Variants in VWC2 observed in about 807,000 individuals in gnomAD.
The protein encoded by VWC2 is von Willebrand factor C domain containing 2, also known as brorin.
VWC2 carries 14 observed loss-of-function variants against 29.8 expected under a neutral mutation model. The ratio of observed to expected loss-of-function variants is 0.47; its 90% CI spans 0.31 to 0.74. The LOEUF (loss-of-function observed/expected upper bound fraction) is 0.74, where lower values mean the gene tolerates loss of function less well. Among genes scored for constraint, VWC2 ranks in the 30% least tolerant of loss-of-function variants. The probability of loss-of-function intolerance (pLI) is 0.05; values close to 1 mark genes in which losing one functional copy is unlikely to be tolerated. For missense variants in VWC2, 457 were observed against 459.8 expected, an observed-to-expected ratio of 0.99 and a Z score of 0.05; for synonymous variants, 213 against 199.0, an observed-to-expected ratio of 1.07 and a Z score of -0.59.
At chr7:49,815,569 T>G (rs1360283946) in intron 3 of VWC2, among the ~76,000 whole-genome samples, 1 of 152,352 alleles carries the variant, frequency 6.6e-6, no homozygotes, top group African/African-American at 2.4e-5. Context: ...AGATGGTAAT[T>G]TTTCCACAAT....
intron 2 of VWC2, among the ~76,000 whole-genome samples, chr7:49,779,577 A>T (rs1396359595): frequency 7.4e-6 from 1 of 135,310 alleles, no homozygotes; most frequent in Non-Finnish European, 1.6e-5. Flanking sequence ...AAACTTGTCT[A>T]TTGGCTTATT....
In VWC2 at chr7:49,843,744, C is replaced by A. The variant is rs183474917; in HGVS notation, c.826+40904C>A. Among the ~76,000 whole-genome samples, 5 of 152,252 alleles carry A rather than the reference C, an allele frequency of 3.3e-5. No homozygotes were observed. In the East Asian group the frequency reaches 9.7e-4, roughly 29 times the overall value. ...GTCATAGAAGCACTGGGATGAGAAG[C>A]GAAGATTTGAAATGTTGCCCCCAGC... is the stretch of plus-strand genomic sequence containing the variant. On this transcript the variant is annotated intron_variant, in intron 3 of 3. Coordinates refer to ENST00000340652, the MANE Select transcript of VWC2 (RefSeq NM_198570.5).
chr7:49,844,635 G>A (rs1789876981), intron 3 of VWC2, among the ~76,000 whole-genome samples: 1 of 152,118 alleles, frequency 6.6e-6, no homozygotes, highest in African/African-American at 2.4e-5. Context: ...TCTGGTTTAG[G>A]GTCAATGGAT....
Position 49,877,481 on chromosome 7 carries a change from A to AAAAAAATATACATATATATATATATAT in VWC2, c.827-34552_827-34551insAAAAATATACATATATATATATATATA. Among the ~76,000 whole-genome samples, 21 of 12,726 alleles carry AAAAAAATATACATATATATATATATAT rather than the reference A, an allele frequency of 1.7e-3. 6 individuals carry two copies. The highest frequency in any genetic ancestry group is 2.8e-3 in the African/African-American group (10 of 3,604). The allele number at this position is 12,726 out of a possible 152,430, so 8.3% of individuals were successfully genotyped here. ...CTGTCTCAAAAAAAAAAAAAAAAAA[A>AAAAAAATATACATATATATATATATAT]ATATATATATATATATATATATATA... On this transcript the variant is annotated intron_variant, in intron 3 of 3. Coordinates refer to ENST00000340652, the MANE Select transcript of VWC2 (RefSeq NM_198570.5).
At chr7:49,892,244 C>A (rs1280391318) in intron 3 of VWC2, among the ~76,000 whole-genome samples, 1 of 151,600 alleles carries the variant, frequency 6.6e-6, no homozygotes, top group Admixed American at 6.6e-5. Context: ...GACGGGGTTT[C>A]ACCGTGTTAG....
chr7:49,855,786 A>C (rs1284870585), intron 3 of VWC2, among the ~76,000 whole-genome samples: 1 of 152,184 alleles, frequency 6.6e-6, no homozygotes, highest in Non-Finnish European at 1.5e-5. Context: ...CAGCCCTCCC[A>C]GCTGCCCTCA....
chr7:49,881,117 G>C (rs975585803), intron 3 of VWC2, among the ~76,000 whole-genome samples: 1 of 152,150 alleles, frequency 6.6e-6, no homozygotes, highest in African/African-American at 2.4e-5. Context: ...CAGCCTGAGA[G>C]GCCAGGTTTG....
chr7:49,887,759 A>G (rs1474721951), intron 3 of VWC2, among the ~76,000 whole-genome samples: 1 of 152,146 alleles, frequency 6.6e-6, no homozygotes, highest in Admixed American at 6.5e-5. Flanking sequence ...ACAACACCAC[A>G]CCAACCCATG....
At chr7:49,893,556 G>A (rs1792235142) in intron 3 of VWC2, among the ~76,000 whole-genome samples, 1 of 151,766 alleles carries the variant, frequency 6.6e-6, no homozygotes, top group African/African-American at 2.4e-5. Context: ...ATGTCCACAT[G>A]AACAAATAAA....
At chr7:49,775,274 C>T in intron 1 of VWC2, 59 bp from the exon 2 acceptor site, 2 of 345,328 alleles carry the variant, frequency 5.8e-6, no homozygotes, top group East Asian at 5.5e-5. Context: ...GTGGGGGCCG[C>T]GGCGGGCCGG....
chr7:49,789,199 G>A (rs907156222), intron 2 of VWC2, among the ~76,000 whole-genome samples: 5 of 147,026 alleles, frequency 3.4e-5, no homozygotes. Flanking sequence ...GCATGTGTGA[G>A]TGTGGGTGTG....
At chr7:49,905,447 G>A (rs1046046033) in intron 3 of VWC2, among the ~76,000 whole-genome samples, 6 of 152,080 alleles carry the variant, frequency 3.9e-5, no homozygotes, top group East Asian at 3.9e-4. Context: ...GTAAATATTC[G>A]TTTTTCACAT....
intron 2 of VWC2, among the ~76,000 whole-genome samples, chr7:49,799,314 G>A (rs777463426): frequency 1.3e-5 from 2 of 152,244 alleles, no homozygotes; most frequent in African/African-American, 4.8e-5. Context: ...AGTGAAGGCA[G>A]GGTTCTTTTA....
At chr7:49,858,413 G>C (rs1421574482) in intron 3 of VWC2, among the ~76,000 whole-genome samples, 2 of 152,056 alleles carry the variant, frequency 1.3e-5, no homozygotes, top group East Asian at 3.9e-4. Context: ...TAGGGACATG[G>C]ATGAAGCTGA....
intron 3 of VWC2, among the ~76,000 whole-genome samples, chr7:49,821,259 A>C (rs747517353): frequency 6.6e-6 from 1 of 152,220 alleles, no homozygotes; most frequent in Non-Finnish European, 1.5e-5. Context: ...CAGTAAACTC[A>C]CTGGCCAGAT....
chr7:49,834,021 C>T (rs960195963), intron 3 of VWC2, among the ~76,000 whole-genome samples: 1 of 152,176 alleles, frequency 6.6e-6, no homozygotes. Flanking sequence ...TGGATCATCA[C>T]ATCCAGAAGT....
In VWC2 at chr7:49,795,967, C is replaced by T. The variant is rs75611240; in HGVS notation, c.697-6744C>T. Among the ~76,000 whole-genome samples the T allele has an allele frequency of 9.3e-3, 1,419 of 152,082 alleles. 32 individuals are homozygous for T. The highest frequency in any genetic ancestry group is 0.033 in the African/African-American group (1,363 of 41,460). ...GGGGGTCCAGAGACTTAAAGAATTT[C>T]AAGGAAGGGAGGGATTGGTAGAGGC... On this transcript the variant is annotated intron_variant, in intron 2 of 3. Coordinates refer to ENST00000340652, the MANE Select transcript of VWC2 (RefSeq NM_198570.5).
At chr7:49,902,295 G>C (rs1318838914) in intron 3 of VWC2, among the ~76,000 whole-genome samples, 1 of 151,828 alleles carries the variant, frequency 6.6e-6, no homozygotes, top group Non-Finnish European at 1.5e-5. Context: ...AAAAAAAACT[G>C]TTGTCCTAAA....
chr7:49,810,763 A>C (rs1788990269), intron 3 of VWC2, among the ~76,000 whole-genome samples: 1 of 152,178 alleles, frequency 6.6e-6, no homozygotes, highest in Admixed American at 6.6e-5. Flanking sequence ...AGATACCTCA[A>C]TCGGGAAAGA....
Sources: allele counts gnomAD v4.1 joint callset (sites outside exome capture counted in the v4.1 genomes callset), GRCh38; gene constraint gnomAD v4.1.1; transcripts MANE v1.5; gene names NCBI Gene and HGNC (gene_info 2026-07-23, HGNC 2026-07-21).